Variants in VWA8 observed in about 807,000 individuals in gnomAD.
VWA8 encodes the protein von Willebrand factor A domain containing 8, also known as von Willebrand factor A domain-containing protein 8.
Under a neutral mutation model 241.5 loss-of-function variants are expected in VWA8, and 221 were observed. The observed-to-expected ratio is 0.91, with a 90% CI of 0.82 to 1.02. The LOEUF is 1.02. Ranked by LOEUF, VWA8 falls within the 50% of genes least tolerant of loss-of-function variation. VWA8 has a pLI of 0.00. For synonymous variants in VWA8, 852 were observed against 827.1 expected (o/e 1.03, Z -0.52); for missense variants, 2,322 against 2,328.7 (o/e 1.00, Z 0.06).
At chr13:41,808,583 A>T (rs893206974) in intron 17 of VWA8, among the ~76,000 whole-genome samples, 5 of 152,058 alleles carry the variant, frequency 3.3e-5, no homozygotes, top group Non-Finnish European at 4.4e-5. Context: ...ACCAGGCCCC[A>T]CCTCCAACAC....
At chr13:41,701,589 G>A in intron 27 of VWA8, 59 bp from the exon 28 acceptor site, 2 of 1,442,506 alleles carry the variant, frequency 1.4e-6, no homozygotes, top group Non-Finnish European at 1.8e-6. Flanking sequence ...ATGTAGAAAA[G>A]CTAAAGTTCT....
chr13:41,745,622 GA>G (rs553083893), intron 21 of VWA8, among the ~76,000 whole-genome samples: 1 of 152,162 alleles, frequency 6.6e-6, no homozygotes, highest in Non-Finnish European at 1.5e-5. Flanking sequence ...TATCATCACT[GA>G]TCATCAGAGA....
chr13:41,662,418 T>C (rs752406485), intron 37 of VWA8, among the ~76,000 whole-genome samples: 3 of 152,074 alleles, frequency 2.0e-5, no homozygotes, highest in African/African-American at 7.2e-5. Flanking sequence ...AAATGGTAGA[T>C]GTATTTTTAA....
intron 14 of VWA8, among the ~76,000 whole-genome samples, chr13:41,828,007 T>C (rs1406476888): frequency 6.6e-6 from 1 of 152,210 alleles, no homozygotes; most frequent in African/African-American, 2.4e-5. Context: ...GTGATTCACA[T>C]GCAAATAATG....
chr13:41,651,161 C>T (rs1476373058), intron 37 of VWA8, among the ~76,000 whole-genome samples: 3 of 150,610 alleles, frequency 2.0e-5, no homozygotes, highest in African/African-American at 4.9e-5. Flanking sequence ...TTTGACAAAG[C>T]CAACAAAAAA....
intron 37 of VWA8, among the ~76,000 whole-genome samples, chr13:41,648,940 T>C (rs1205334454): frequency 6.6e-6 from 1 of 152,192 alleles, no homozygotes; most frequent in Non-Finnish European, 1.5e-5. Flanking sequence ...TCCCAGCATT[T>C]TGGGAGGCCA....
intron 2 of VWA8, among the ~76,000 whole-genome samples, chr13:41,912,377 T>G (rs919114876): frequency 3.9e-5 from 6 of 152,082 alleles, no homozygotes; most frequent in Non-Finnish European, 7.4e-5. Flanking sequence ...AATTTTCACA[T>G]AGTTTTACAA....
intron 2 of VWA8, chr13:41,927,114 T>C: frequency 2.6e-6 from 1 of 388,802 alleles, no homozygotes; most frequent in South Asian, 2.1e-5. Context: ...CAGCGGGTTT[T>C]TGAACAACAG....
chr13:41,769,048 G>T (rs1215012048), intron 20 of VWA8, among the ~76,000 whole-genome samples: 2 of 152,090 alleles, frequency 1.3e-5, no homozygotes, highest in Non-Finnish European at 2.9e-5. Context: ...GACTACAGGT[G>T]CATGCCACCA....
chr13:41,641,067 C>T (rs551318466), intron 37 of VWA8, among the ~76,000 whole-genome samples: 124 of 152,276 alleles, frequency 8.1e-4, no homozygotes, highest in African/African-American at 2.8e-3. Flanking sequence ...CTTGCTAAGA[C>T]TGTGAAGCAC....
At chr13:41,882,360 C>G (rs9590646) in intron 9 of VWA8, among the ~76,000 whole-genome samples, 1 of 147,664 alleles carries the variant, frequency 6.8e-6, no homozygotes, top group Non-Finnish European at 1.5e-5. Flanking sequence ...TCCCAGACGA[C>G]GGGCGGCCAG....
At chr13:41,932,965 T>C (rs1342869341) in intron 2 of VWA8, among the ~76,000 whole-genome samples, 3 of 151,944 alleles carry the variant, frequency 2.0e-5, no homozygotes, top group East Asian at 1.9e-4. Context: ...ATAAATTACA[T>C]ATTAAAGAGA....
rs778456029 is a variant in VWA8 at position 41,701,414 on chromosome 13, G to C, written c.3342C>G (p.Ile1114Met). The change falls in exon 28 of 45, where the codon ATC becomes ATG. Residue 1114 changes from isoleucine to methionine, a missense_variant. By Grantham distance (10) the Ile-to-Met change is conservative. Coordinates refer to ENST00000379310, the MANE Select transcript of VWA8 (RefSeq NM_015058.2). ...WRIPLDEINIICDIATSHENE... is the reference protein window; with the variant it reads ...WRIPLDEINIMCDIATSHENE... The stretch of plus-strand genomic sequence containing the variant: ...TACCATGTGATGTAGCAATGTCACA[G>C]ATTATATTAATTTCATCCAATGGTA... 2.5e-6 allele frequency: 4 copies of C among 1,607,300 alleles called. No individual in the cohort carries two copies. Among genetic ancestry groups the C allele is most frequent in the Non-Finnish European group, 3.4e-6 (4 of 1,177,746 alleles).
chr13:41,903,408 C>T (rs907565334), intron 4 of VWA8, among the ~76,000 whole-genome samples: 6 of 151,910 alleles, frequency 3.9e-5, no homozygotes, highest in African/African-American at 7.3e-5. Flanking sequence ...TATATTCTAG[C>T]GGGGGAGGAG....
intron 43 of VWA8, among the ~76,000 whole-genome samples, 184 bp downstream of exon 43, chr13:41,575,556 T>A (rs34485273): frequency 0.16 from 25,045 of 151,980 alleles, 2,184 homozygotes; most frequent in Admixed American, 0.25. Context: ...GGACAAATTT[T>A]AAATTTTATA....
At chr13:41,793,771 G>A (rs1169560021) in intron 17 of VWA8, among the ~76,000 whole-genome samples, 2 of 152,150 alleles carry the variant, frequency 1.3e-5, no homozygotes, top group African/African-American at 2.4e-5. Flanking sequence ...AGCCGAGATC[G>A]TGCCACTGCA....
At position 41,701,457 on chromosome 13, in the gene VWA8, T is replaced by C. The variant is rs769491022; in HGVS notation, c.3299A>G (p.Glu1100Gly). The change falls in exon 28 of 45, where the codon GAA becomes GGA. Residue 1100 changes from glutamate to glycine, a missense_variant. By Grantham distance (98) the Glu-to-Gly change is moderately conservative. Coordinates refer to ENST00000379310, the MANE Select transcript of VWA8 (RefSeq NM_015058.2). The stretch of plus-strand genomic sequence containing the variant: ...CAATGGTATTCTCCATGAGGCACAT[T>C]CTTCAGTAAAGTTTAGGGATCTTTC... ...HEERSLNFTEECASWRIPLDE... is the reference protein window; with the variant it reads ...HEERSLNFTEGCASWRIPLDE... 6.2e-7 allele frequency: 1 copy of C among 1,612,612 alleles called. No individual in the cohort carries two copies. The highest frequency in any genetic ancestry group is 1.1e-5 in the South Asian group (1 of 90,822).
At chr13:41,957,543 T>G (rs561341112) in intron 1 of VWA8, among the ~76,000 whole-genome samples, 1 of 151,996 alleles carries the variant, frequency 6.6e-6, no homozygotes, top group Non-Finnish European at 1.5e-5. Flanking sequence ...GAGGTGGAGG[T>G]TGCAGTAAGC....
chr13:41,633,161 C>T (rs911463427), intron 37 of VWA8, among the ~76,000 whole-genome samples: 3 of 152,194 alleles, frequency 2.0e-5, no homozygotes, highest in Non-Finnish European at 4.4e-5. Flanking sequence ...TGTATATATA[C>T]ATCCACACAT....
Sources: gnomAD v4.1 joint callset for allele counts (sites outside exome capture counted in the v4.1 genomes callset) on GRCh38, gnomAD v4.1.1 for gene constraint, MANE v1.5 for transcripts, NCBI Gene and HGNC (gene_info 2026-07-23, HGNC 2026-07-21) for gene names.